Variants in MGMT observed in about 807,000 individuals in gnomAD.
The protein encoded by MGMT is O-6-methylguanine-DNA methyltransferase.
MGMT carries 14 observed loss-of-function variants against 15.9 expected under a neutral mutation model. The ratio of observed to expected loss-of-function variants is 0.88; its 90% confidence interval spans 0.58 to 1.37. The LOEUF (loss-of-function observed/expected upper bound fraction) is 1.37, where lower values mean the gene tolerates loss of function less well. MGMT is among the 40% of genes most tolerant of loss of function. The pLI, the probability that MGMT is intolerant of heterozygous loss-of-function variation, is 0.00. For missense variants in MGMT, 282 were observed against 268.1 expected (o/e 1.05, Z -0.36); for synonymous variants, 130 against 118.2 (o/e 1.10, Z -0.65).
At chr10:129,578,738 T>C (rs938626999) in intron 2 of MGMT, among the ~76,000 whole-genome samples, 3 of 152,256 alleles carry the variant, frequency 2.0e-5, no homozygotes, top group Non-Finnish European at 4.4e-5. Context: ...TGGGAACTTA[T>C]AGAAAGGTAG....
chr10:129,551,684 C>T (rs1211603518), intron 2 of MGMT, among the ~76,000 whole-genome samples: 2 of 152,170 alleles, frequency 1.3e-5, no homozygotes, highest in Admixed American at 1.3e-4. Flanking sequence ...TGTAGTCTTT[C>T]CTTACTCTCT....
chr10:129,493,548 A>T (rs1416170915), intron 1 of MGMT, among the ~76,000 whole-genome samples: 3 of 152,352 alleles, frequency 2.0e-5, no homozygotes, highest in African/African-American at 4.8e-5. Context: ...CTACCAGAAG[A>T]TAAATATAGA....
intron 2 of MGMT, among the ~76,000 whole-genome samples, chr10:129,693,501 C>T (rs529372355): frequency 2.0e-5 from 3 of 152,270 alleles, no homozygotes; most frequent in South Asian, 2.1e-4. Context: ...CCTTGGGCTG[C>T]GGCAGGGTTT....
chr10:129,571,478 T>C (rs1392837731), intron 2 of MGMT, among the ~76,000 whole-genome samples: 1 of 152,216 alleles, frequency 6.6e-6, no homozygotes, highest in Non-Finnish European at 1.5e-5. Flanking sequence ...GGCTGCTGTT[T>C]GAAGTATTGT....
At chr10:129,515,806 A>G (rs567673405) in intron 1 of MGMT, among the ~76,000 whole-genome samples, 26 of 152,236 alleles carry the variant, frequency 1.7e-4, no homozygotes, top group African/African-American at 5.8e-4. Context: ...ACCCATGTTG[A>G]TGACAGCCTC....
chr10:129,480,478 C>T (rs1292663383), intron 1 of MGMT, among the ~76,000 whole-genome samples: 1 of 152,188 alleles, frequency 6.6e-6, no homozygotes, highest in African/African-American at 2.4e-5. Flanking sequence ...CTAATACAGT[C>T]CTAAAAATAA....
chr10:129,529,403 G>A (rs1004809951), intron 1 of MGMT, among the ~76,000 whole-genome samples: 12 of 152,034 alleles, frequency 7.9e-5, no homozygotes, highest in African/African-American at 2.4e-4. Flanking sequence ...CATAAGAAGC[G>A]TCCAGCCTAG....
intron 1 of MGMT, among the ~76,000 whole-genome samples, chr10:129,519,161 T>C (rs1845777074): frequency 6.6e-6 from 1 of 152,238 alleles, no homozygotes; most frequent in South Asian, 2.1e-4. Flanking sequence ...GGGAAAGGCC[T>C]GTCCCTTTCT....
chr10:129,621,153 G>A (rs1294761673), intron 2 of MGMT, among the ~76,000 whole-genome samples: 1 of 152,012 alleles, frequency 6.6e-6, no homozygotes, highest in African/African-American at 2.4e-5. Flanking sequence ...TAGCCACTTG[G>A]GGATACCTGC....
intron 2 of MGMT, among the ~76,000 whole-genome samples, chr10:129,597,737 A>T (rs1409355211): frequency 6.6e-6 from 1 of 152,186 alleles, no homozygotes; most frequent in Non-Finnish European, 1.5e-5. Flanking sequence ...GGGTTGTAGG[A>T]AATAAAGAGA....
At chr10:129,511,811 C>T (rs55834084) in intron 1 of MGMT, among the ~76,000 whole-genome samples, 1 of 152,172 alleles carries the variant, frequency 6.6e-6, no homozygotes. Context: ...AAAGTGGCGT[C>T]TGGGCTGGCA....
At chr10:129,650,959 C>T (rs547778990) in intron 2 of MGMT, among the ~76,000 whole-genome samples, 59 of 152,282 alleles carry the variant, frequency 3.9e-4, no homozygotes, top group African/African-American at 1.3e-3. Flanking sequence ...TGCCCGAGGG[C>T]CGCAGTCCTG....
chr10:129,605,402 T>C (rs1359328910), intron 2 of MGMT, among the ~76,000 whole-genome samples: 1 of 152,208 alleles, frequency 6.6e-6, no homozygotes, highest in Non-Finnish European at 1.5e-5. Context: ...TTCTATTCTG[T>C]TTTCATGGGC....
chr10:129,616,449 AC>A (rs1847027707), intron 2 of MGMT, among the ~76,000 whole-genome samples: 1 of 151,272 alleles, frequency 6.6e-6, no homozygotes, highest in Non-Finnish European at 1.5e-5. Flanking sequence ...GGAATGGTAG[AC>A]AGGGCTTTCT....
Position 129,533,980 on chromosome 10 carries a change from G to T in MGMT, c.-12-2261G>T, listed in dbSNP as rs1004730329. Among the ~76,000 whole-genome samples the T allele has an allele frequency of 2.0e-5, 3 of 152,142 alleles. No individual in the cohort carries two copies. Among genetic ancestry groups the T allele is most frequent in the Non-Finnish European group, 4.4e-5 (3 of 68,026 alleles). ...TAAGATCAGAGGTGAAGGGGGTTGG[G>T]CTAAAATGTTGATCATGGTGGGAAC... On this transcript the variant is annotated intron_variant, in intron 1 of 4. Coordinates refer to ENST00000651593, the MANE Select transcript of MGMT (RefSeq NM_002412.5). This position sits in a 1 kb window ranked among gnomAD's most constrained non-coding sequence, Gnocchi z 4.5.
chr10:129,679,088 A>T (rs1847818615), intron 2 of MGMT, among the ~76,000 whole-genome samples: 1 of 150,816 alleles, frequency 6.6e-6, no homozygotes, highest in Admixed American at 6.6e-5. Context: ...AAAAAAAAAG[A>T]ATCGTGATAT....
chr10:129,467,746 C>T (rs1025243104), intron 1 of MGMT, among the ~76,000 whole-genome samples: 9 of 152,228 alleles, frequency 5.9e-5, no homozygotes, highest in African/African-American at 2.2e-4. Flanking sequence ...AGGCCAAGTT[C>T]TAGGGGCCTT....
intron 2 of MGMT, among the ~76,000 whole-genome samples, chr10:129,696,595 T>C (rs1848035190): frequency 6.6e-6 from 1 of 152,198 alleles, no homozygotes; most frequent in Non-Finnish European, 1.5e-5. Context: ...ATTGGAAAAA[T>C]GAAATCTGAA....
At chr10:129,706,213 C>G (rs1383211312) in intron 2 of MGMT, among the ~76,000 whole-genome samples, 1 of 152,226 alleles carries the variant, frequency 6.6e-6, no homozygotes, top group Non-Finnish European at 1.5e-5. Context: ...CGTCTACGTT[C>G]ACACTGTCTG....
Sources: gnomAD v4.1 joint callset for allele counts (sites outside exome capture counted in the v4.1 genomes callset) on GRCh38, gnomAD v4.1.1 for gene constraint, Gnocchi (gnomAD v3.1) non-coding constraint, MANE v1.5 for transcripts, NCBI Gene and HGNC (gene_info 2026-07-23, HGNC 2026-07-21) for gene names.